Variants in DVL2 observed in about 807,000 individuals in gnomAD.
DVL2 encodes the protein segment polarity protein dishevelled homolog DVL-2.
DVL2 carries 38 observed loss-of-function variants against 69.8 expected under a neutral mutation model. That is an observed-to-expected ratio of 0.54 (90% CI 0.42 to 0.71). The LOEUF is 0.71. DVL2 is among the 30% of genes least tolerant of loss of function. The probability of loss-of-function intolerance (pLI) is 0.00; values close to 1 mark genes in which losing one functional copy is unlikely to be tolerated. For synonymous variants in DVL2, 428 were observed against 392.4 expected, an observed-to-expected ratio of 1.09 and a Z score of -1.07; for missense variants, 931 against 1,008.1, an observed-to-expected ratio of 0.92 and a Z score of 1.04.
intron 1 of DVL2, among the ~76,000 whole-genome samples, chr17:7,232,882 G>GA (rs2071563273): frequency 6.6e-6 from 1 of 152,086 alleles, no homozygotes; most frequent in Non-Finnish European, 1.5e-5. Context: ...GAGGTCAGAA[G>GA]TCAGAGACCA....
Position 7,225,765 on chromosome 17 carries a change from C to G in DVL2, c.*100G>C. On this transcript the variant is annotated 3_prime_UTR_variant, in exon 15 of 15. Transcript: ENST00000005340. ...GCCACAATCTCCTGTATGGCAGCAGCTGGTAGGCTGAGCCCAGGCACTGTA... is the reference window on the plus strand; with the variant it reads ...GCCACAATCTCCTGTATGGCAGCAGGTGGTAGGCTGAGCCCAGGCACTGTA... The G allele has an allele frequency of 9.6e-7, 1 of 1,045,088 alleles. No individual in the cohort carries two copies. Among genetic ancestry groups the G allele is most frequent in the Non-Finnish European group, 1.5e-6 (1 of 683,340 alleles). 64.7% of individuals were successfully genotyped at this position (1,045,088 alleles called of 1,614,324 possible).
In DVL2 at chr17:7,225,920, T is replaced by C. The variant is rs1419916400; in HGVS notation, c.2156A>G (p.Gln719Arg). Residue 719 changes from glutamine (Q) to arginine (R), a missense_variant, in exon 15 of 15, where the codon CAA (glutamine) becomes CGA (arginine). Gln to Arg is a conservative substitution (Grantham distance 43, BLOSUM62 1). Around this residue, in one of 3 missense-constraint regions of DVL2, gnomAD observed 314 missense variants for 313.7 expected, o/e 1.00. Coordinates refer to ENST00000005340, the MANE Select transcript of DVL2 (RefSeq NM_004422.3). ...ATTGCCCATGGCCATGTGGAAGCTT[T>C]GGCGGCTGGCTGTCAGTTCTGGGGG... is the stretch of plus-strand genomic sequence containing the variant. Reference protein sequence around the residue: ...SVPPELTASRQSFHMAMGNPS... With the variant: ...SVPPELTASRRSFHMAMGNPS... 6.2e-7 allele frequency: 1 copy of C among 1,613,934 alleles called. No homozygotes were observed. Among genetic ancestry groups the C allele is most frequent in the Non-Finnish European group, 8.5e-7 (1 of 1,180,038 alleles).
Position 7,227,971 on chromosome 17 carries a change from A to T in DVL2, c.1102+6T>A. On this transcript the variant is annotated splice_donor_region_variant and intron_variant, in intron 10 of 14. Transcript: ENST00000005340. Reference sequence around the variant, plus strand: ...AACTTCAGGCCCCTCCCTGAGTGTCACTCACTTCGGGGGAGAGTGAAATAG... The same window carrying T: ...AACTTCAGGCCCCTCCCTGAGTGTCTCTCACTTCGGGGGAGAGTGAAATAG... The T allele has an allele frequency of 6.4e-7, 1 of 1,574,008 alleles. No individual in the cohort carries two copies. The highest frequency in any genetic ancestry group is 8.6e-7 in the Non-Finnish European group (1 of 1,159,590).
At chr17:7,233,908 C>T in intron 1 of DVL2, 161 bp downstream of exon 1, 2 of 756,828 alleles carry the variant, frequency 2.6e-6, no homozygotes. Context: ...CAAGCATAAC[C>T]TTGTCCATCC....
In DVL2 at chr17:7,226,307, C is replaced by A; in HGVS notation, c.1769G>T (p.Arg590Leu). 6.4e-7 allele frequency: 1 copy of A among 1,563,048 alleles called. No homozygotes were observed. Among genetic ancestry groups the A allele is most frequent in the Non-Finnish European group, 8.6e-7 (1 of 1,157,870 alleles). The stretch of plus-strand genomic sequence containing the variant: ...ATCACTCCGTGTCGACCCACTGCTC[C>A]GGCTGCCTGTGGAGGGAGGGGAGGG... ...SASSQHSEGSRSSGSTRSDGG... is the reference protein window; with the variant it reads ...SASSQHSEGSLSSGSTRSDGG... The change falls in exon 15 of 15, where the codon CGG becomes CTG. Residue 590 changes from arginine (R) to leucine (L), a missense_variant. Arg to Leu is a moderately radical substitution (Grantham distance 102). This residue lies in a region of DVL2 where 314 missense variants were observed against 313.7 expected (regional missense o/e 1.00). Transcript: ENST00000005340.
Position 7,225,824 on chromosome 17 carries a change from A to C in DVL2, c.*41T>G, listed in dbSNP as rs190342528. ...CACATGACGGCCAGGACACCCAGTC[A>C]CACACCAGGAGCGCCCGGCCCAGCC... On this transcript the variant is annotated 3_prime_UTR_variant, in exon 15 of 15. Transcript: ENST00000005340. 27 of 1,561,680 alleles carry C rather than the reference A, an allele frequency of 1.7e-5. No homozygotes were observed. Among genetic ancestry groups the C allele is most frequent in the Middle Eastern group, 1.8e-4 (1 of 5,506 alleles).
chr17:7,233,922 G>A lies in DVL2; in HGVS notation c.194+147C>T, dbSNP rs778441754. Reference sequence around the variant, plus strand: ...CCAAGCATAACCTTGTCCATCCTGGGATAGTCAACCTACCTCAGCATAGTA... The same window carrying A: ...CCAAGCATAACCTTGTCCATCCTGGAATAGTCAACCTACCTCAGCATAGTA... On this transcript the variant is annotated intron_variant, in intron 1 of 14. Coordinates refer to ENST00000005340, the MANE Select transcript of DVL2 (RefSeq NM_004422.3). 4 of 825,622 alleles carry A rather than the reference G, an allele frequency of 4.8e-6. No individual in the cohort carries two copies. In the African/African-American group the frequency reaches 5.1e-5, roughly 11 times the overall value. 51.1% of individuals were successfully genotyped at this position (825,622 alleles called of 1,614,324 possible).
chr17:7,228,343 G>T (rs2142992590), intron 9 of DVL2: 1 of 233,262 alleles, frequency 4.3e-6, no homozygotes, highest in East Asian at 8.8e-5. Flanking sequence ...TGCAAGGGTG[G>T]TAACTATCCA....
Position 7,234,037 on chromosome 17 carries a change from C to T in DVL2, c.194+32G>A, listed in dbSNP as rs746731250. 13 of 1,610,588 alleles carry T rather than the reference C, an allele frequency of 8.1e-6. No homozygotes were observed. The East Asian group carries it at 1.8e-4, about 22-fold the overall frequency. On this transcript the variant is annotated intron_variant, in intron 1 of 14. Coordinates refer to ENST00000005340, the MANE Select transcript of DVL2 (RefSeq NM_004422.3). ...GTCGCCCAATCCACTCTAGCAAAGC[C>T]CCCGCCGGTCCTATCTAGGCCTTGC...
rs1448754628 is a variant in DVL2, at chr17:7,230,715, C to A, written c.264+13G>T. On this transcript the variant is annotated intron_variant, in intron 2 of 14. Coordinates refer to ENST00000005340, the MANE Select transcript of DVL2 (RefSeq NM_004422.3). ...GCTGAGGGGGCCTGGTCCTCGGTGT[C>A]AGAACCTCTTACCCAGGATACCACC... 1.9e-6 allele frequency: 3 copies of A among 1,608,554 alleles called. No individual in the cohort carries two copies. The highest frequency in any genetic ancestry group is 2.7e-5 in the African/African-American group (2 of 74,576).
rs1567571226 is a variant in DVL2, at chr17:7,226,015, TGGG to T, written c.2058_2060del (p.Pro691del). On this transcript the variant is annotated inframe_deletion, in exon 15 of 15. Coordinates refer to ENST00000005340, the MANE Select transcript of DVL2 (RefSeq NM_004422.3). ...CTGCTGGAGGGACTGGAGGTGGAGGTGGGGGCATCATGACCACCATCATGGGGT... is the reference window on the plus strand; with the variant it reads ...CTGCTGGAGGGACTGGAGGTGGAGGTGGCATCATGACCACCATCATGGGGT... 6.2e-7 allele frequency: 1 copy of T among 1,612,240 alleles called. No homozygotes were observed. The highest frequency in any genetic ancestry group is 1.1e-5 in the South Asian group (1 of 90,998).
chr17:7,230,477 T>G, intron 2 of DVL2, 47 bp from the exon 3 acceptor site: 25 of 1,603,414 alleles, frequency 1.6e-5, no homozygotes, highest in Non-Finnish European at 2.1e-5. Context: ...GGAGTCAGGG[T>G]GTGACAGGTG....
Position 7,229,844 on chromosome 17 carries a change from CTG to C in DVL2, c.618_619del (p.Ser207ProfsTer27). 6.2e-7 allele frequency: 1 copy of C among 1,612,294 alleles called. No individual in the cohort carries two copies. Among genetic ancestry groups the C allele is most frequent in the Non-Finnish European group, 8.5e-7 (1 of 1,179,946 alleles). ...GTCCTCCTCGTCCGAGTCCCCCAGG[CTG>C]GTACTCTCCAGCTCGCTGGTCATGA... On this transcript the variant is annotated frameshift_variant, in exon 5 of 15. Transcript: ENST00000005340. LOFTEE classifies it high-confidence loss of function. The surrounding 1 kb of genome is among the most constrained non-coding windows in gnomAD (Gnocchi z 4.4).
Position 7,234,201 on chromosome 17 carries a change from T to A in DVL2, c.62A>T (p.Asp21Val), listed in dbSNP as rs1297948842. Residue 21 changes from aspartate to valine, a missense_variant, in exon 1 of 15, where the codon GAT becomes GTT. Coordinates refer to ENST00000005340, the MANE Select transcript of DVL2 (RefSeq NM_004422.3). ...VGETKVIYHLDEEETPYLVKI... is the reference protein window; with the variant it reads ...VGETKVIYHLVEEETPYLVKI... ...CACCAGGTAGGGAGTCTCTTCCTCA[T>A]CCAGGTGGTAAATCACCTTCGTCTC... 7 of 1,613,980 alleles carry A rather than the reference T, an allele frequency of 4.3e-6. No homozygotes were observed. The highest frequency in any genetic ancestry group is 5.9e-6 in the Non-Finnish European group (7 of 1,180,014).
Position 7,227,189 on chromosome 17 carries a change from G to C in DVL2, c.1444C>G (p.Leu482Val). ...TGTCGGATCAGGCCTGCTTTGAGCA[G>C]CCCGCTGGCATACTTGCGGGCCTCC... The part of the protein sequence containing the change: ...RREARKYASG[L>V]LKAGLIRHTV... The change falls in exon 13 of 15, where the codon CTG becomes GTG. Residue 482 changes from leucine (L) to valine (V), a missense_variant. Leu to Val is a conservative substitution (Grantham distance 32, BLOSUM62 1). Transcript: ENST00000005340. 6.2e-7 allele frequency: 1 copy of C among 1,613,984 alleles called. No individual in the cohort carries two copies.
intron 1 of DVL2, among the ~76,000 whole-genome samples, chr17:7,231,731 T>A (rs939511682): frequency 6.6e-6 from 1 of 151,740 alleles, no homozygotes; most frequent in Non-Finnish European, 1.5e-5. Context: ...GGCATGGTGG[T>A]GCACACCTAT....
Position 7,229,314 on chromosome 17 carries a change from C to T in DVL2, c.818-40G>A, listed in dbSNP as rs753524109. On this transcript the variant is annotated intron_variant, in intron 7 of 14. Transcript: ENST00000005340. The surrounding 1 kb of genome is among the most constrained non-coding windows in gnomAD (Gnocchi z 4.4). ...CATGTGAAAAGAGGAGCCCCTGCCA[C>T]AGGACGCCCGGAACCCTAGAGACCA... 58 of 1,613,008 alleles carry T rather than the reference C, an allele frequency of 3.6e-5. No individual in the cohort carries two copies. In the Middle Eastern group the frequency reaches 9.9e-4, roughly 27 times the overall value.
At position 7,234,314 on chromosome 17, in the gene DVL2, C is replaced by G. The variant is rs1196610513; in HGVS notation, c.-52G>C. On this transcript the variant is annotated 5_prime_UTR_variant, in exon 1 of 15. Transcript: ENST00000005340. ...CACCGCCCACCCAAAGGGCTAATGG[C>G]CCCTGCCGCGCCTGCGCACACCCGC... is the stretch of plus-strand genomic sequence containing the variant. The G allele has an allele frequency of 6.4e-7, 1 of 1,568,518 alleles. No individual in the cohort carries two copies. The highest frequency in any genetic ancestry group is 1.8e-5 in the Admixed American group (1 of 55,266).
rs746836247 is a variant in DVL2 at position 7,230,211 on chromosome 17, T to C, written c.411-56A>G. The C allele has an allele frequency of 1.1e-5, 17 of 1,610,716 alleles. No individual in the cohort carries two copies. In the African/African-American group the frequency reaches 1.1e-4, roughly 10 times the overall value. On this transcript the variant is annotated intron_variant, in intron 3 of 14. Coordinates refer to ENST00000005340, the MANE Select transcript of DVL2 (RefSeq NM_004422.3). Reference sequence around the variant, plus strand: ...ATCAGGAGAACAGGGCTCCGGATCCTAGGCGTCCCCTACCAAAGGCCTGGG... The same window carrying C: ...ATCAGGAGAACAGGGCTCCGGATCCCAGGCGTCCCCTACCAAAGGCCTGGG...
Sources: gnomAD v4.1 joint callset for allele counts (sites outside exome capture counted in the v4.1 genomes callset) on GRCh38, gnomAD v4.1.1 for gene constraint, gnomAD v4.1.1 regional missense constraint, Gnocchi (gnomAD v3.1) non-coding constraint, MANE v1.5 for transcripts, NCBI Gene and HGNC (gene_info 2026-07-23, HGNC 2026-07-21) for gene names.